MOV10L1: variants seen among roughly 807,000 people sequenced by gnomAD.
MOV10L1 encodes the protein Mov10 like RNA helicase 1, also known as RNA helicase Mov10l1.
In MOV10L1, 110 loss-of-function variants were observed where a neutral mutation model predicts 143.8. The observed-to-expected ratio is 0.76, with a 90% CI of 0.66 to 0.90. The LOEUF (loss-of-function observed/expected upper bound fraction) is 0.90, where lower values mean the gene tolerates loss of function less well. Ranked by LOEUF, MOV10L1 falls within the 40% of genes least tolerant of loss-of-function variation. MOV10L1 has a pLI of 0.00. For missense variants in MOV10L1, 1,406 were observed against 1,526.8 expected, an observed-to-expected ratio of 0.92 and a Z score of 1.32; for synonymous variants, 593 against 581.1, an observed-to-expected ratio of 1.02 and a Z score of -0.29.
intron 9 of MOV10L1, among the ~76,000 whole-genome samples, chr22:50,118,559 A>C (rs2062246490): frequency 6.6e-6 from 1 of 152,218 alleles, no homozygotes. Context: ...GTCAAGCTCA[A>C]ATGTGTCTCT....
At chr22:50,142,582 CT>C (rs1205939928) in intron 16 of MOV10L1, among the ~76,000 whole-genome samples, 3 of 151,986 alleles carry the variant, frequency 2.0e-5, no homozygotes, top group South Asian at 2.1e-4. Flanking sequence ...CATCCTAACA[CT>C]TTTGGGAAGC....
chr22:50,150,046 A>G (rs28434495), intron 20 of MOV10L1, among the ~76,000 whole-genome samples: 20,229 of 151,940 alleles, frequency 0.13, 1,598 homozygotes, highest in East Asian at 0.24. Flanking sequence ...CCTGCATCTG[A>G]CCCACTTGCC....
chr22:50,125,646 G>A, intron 11 of MOV10L1, 77 bp downstream of exon 11: 7 of 1,382,926 alleles, frequency 5.1e-6, no homozygotes, highest in Non-Finnish European at 6.9e-6. Flanking sequence ...TCTTTAACTG[G>A]CAATATGACA....
At chr22:50,107,481 A>G (rs915243365) in intron 3 of MOV10L1, among the ~76,000 whole-genome samples, 2 of 152,128 alleles carry the variant, frequency 1.3e-5, no homozygotes, top group South Asian at 4.2e-4. Context: ...TCAGTATTCA[A>G]TTATACACTT....
At chr22:50,120,467 G>T (rs779641760) in intron 9 of MOV10L1, 35 bp from the exon 10 acceptor site, 2 of 1,367,588 alleles carry the variant, frequency 1.5e-6, no homozygotes, top group Non-Finnish European at 2.1e-6. Flanking sequence ...TGGTGATAAA[G>T]ACTTATTTTT....
At chr22:50,137,906 TAC>T (rs1402125761) in intron 15 of MOV10L1, among the ~76,000 whole-genome samples, 3 of 150,192 alleles carry the variant, frequency 2.0e-5, no homozygotes, top group African/African-American at 7.3e-5. Flanking sequence ...TTTATATGTA[TAC>T]ATATATGTAT....
intron 15 of MOV10L1, among the ~76,000 whole-genome samples, chr22:50,135,511 G>C (rs932056464): frequency 6.6e-6 from 1 of 151,716 alleles, no homozygotes; most frequent in African/African-American, 2.4e-5. Flanking sequence ...CCAGCACTTT[G>C]GGAGGCCGAG....
intron 8 of MOV10L1, among the ~76,000 whole-genome samples, chr22:50,116,518 C>T (rs895214646): frequency 2.0e-5 from 3 of 151,390 alleles, no homozygotes; most frequent in Admixed American, 6.6e-5. Context: ...AGAGCCACAG[C>T]GAGGACTGGG....
At position 50,099,543 on chromosome 22, in the gene MOV10L1, TGGA is replaced by T; in HGVS notation, c.386_388del (p.Glu129del). The T allele has an allele frequency of 1.2e-6, 2 of 1,614,156 alleles. No individual in the cohort carries two copies. The highest frequency in any genetic ancestry group is 1.7e-6 in the Non-Finnish European group (2 of 1,180,028). On this transcript the variant is annotated inframe_deletion, in exon 3 of 27. Transcript: ENST00000262794. ...TTGATTGGCTGTGTGACTTCCCTGG[TGGA>T]GGGCGCAGGCTGTATCAGTCAGACC...
chr22:50,120,539 T>C lies in MOV10L1; in HGVS notation c.1492T>C (p.Tyr498His). 1 of 1,612,806 alleles carries C rather than the reference T, an allele frequency of 6.2e-7. No homozygotes were observed. Among genetic ancestry groups the C allele is most frequent in the Non-Finnish European group, 8.5e-7 (1 of 1,179,506 alleles). The stretch of plus-strand genomic sequence containing the variant: ...ACAACTTCCAAGTTTTCTTCCCCAA[T>C]ATCCAATCCCAGATAGACTTAGAAA... ...RRQLPSFLPQYPIPDRLRKCV... is the reference protein window; with the variant it reads ...RRQLPSFLPQHPIPDRLRKCV... Residue 498 changes from tyrosine (Y) to histidine (H), a missense_variant, in exon 10 of 27, where the codon TAT (tyrosine) becomes CAT (histidine). Tyr to His is a moderately conservative substitution (Grantham distance 83). Transcript: ENST00000262794.
At chr22:50,094,646 C>G (rs1464926328) in intron 2 of MOV10L1, 1 of 152,208 alleles carries the variant, frequency 6.6e-6, no homozygotes, top group East Asian at 1.9e-4. Context: ...TGATCCGCCA[C>G]CTCGGCCTCC....
rs761667172 is a variant in MOV10L1 at position 50,158,275 on chromosome 22, C to T, written c.3216+69C>T. 3 of 1,579,464 alleles carry T rather than the reference C, an allele frequency of 1.9e-6. No homozygotes were observed. The highest frequency in any genetic ancestry group is 2.6e-6 in the Non-Finnish European group (3 of 1,154,728). ...GCCCTGCTCCTTGGCTCCTGCAGCT[C>T]CACAGAGGCAGGAACAAGCTCCTTG... On this transcript the variant is annotated intron_variant, in intron 23 of 26. Transcript: ENST00000262794. This position sits in a 1 kb window ranked among gnomAD's most constrained non-coding sequence, Gnocchi z 5.0.
intron 3 of MOV10L1, among the ~76,000 whole-genome samples, chr22:50,106,312 AC>A (rs143120993): frequency 0.24 from 32,203 of 136,350 alleles, 3,877 homozygotes; most frequent in Admixed American, 0.37. Flanking sequence ...ATGCCACCAC[AC>A]CCCAACTAAT....
chr22:50,148,033 G>A (rs1186988139), intron 19 of MOV10L1, among the ~76,000 whole-genome samples: 1 of 152,222 alleles, frequency 6.6e-6, no homozygotes, highest in Admixed American at 6.5e-5. Flanking sequence ...CCCCACAGTG[G>A]GACACCTGAG....
chr22:50,094,823 C>T (rs1363463298), intron 2 of MOV10L1: 1 of 151,910 alleles, frequency 6.6e-6, no homozygotes, highest in Non-Finnish European at 1.5e-5. Context: ...TCATCTTTCT[C>T]AAATTAAAAA....
At chr22:50,147,128 G>T (rs757517915) in intron 19 of MOV10L1, 1 of 1,587,372 alleles carries the variant, frequency 6.3e-7, no homozygotes, top group Admixed American at 1.8e-5. Flanking sequence ...CATGGACCCT[G>T]CACCCTGGAG....
At chr22:50,099,292 C>A in intron 2 of MOV10L1, 151 bp from the exon 3 acceptor site, 1 of 823,724 alleles carries the variant, frequency 1.2e-6, no homozygotes, top group Non-Finnish European at 1.9e-6. Context: ...CGACGGTATA[C>A]CAGGAAGAAG....
intron 15 of MOV10L1, among the ~76,000 whole-genome samples, chr22:50,141,805 T>TA (rs34464096): frequency 1.3e-5 from 2 of 152,200 alleles, no homozygotes; most frequent in African/African-American, 4.8e-5. Context: ...ATGATATTAA[T>TA]AAAATAAAAT....
intron 2 of MOV10L1, 76 bp downstream of exon 2, chr22:50,092,261 A>G (rs2062467951): frequency 7.4e-7 from 1 of 1,360,220 alleles, no homozygotes; most frequent in Admixed American, 1.8e-5. Context: ...TGTTTAATCT[A>G]TCAGACATGA....
Sources: allele counts gnomAD v4.1 joint callset (sites outside exome capture counted in the v4.1 genomes callset), GRCh38; gene constraint gnomAD v4.1.1; non-coding constraint Gnocchi (gnomAD v3.1); transcripts MANE v1.5; gene names NCBI Gene and HGNC (gene_info 2026-07-23, HGNC 2026-07-21).